The following ZBBX variants were observed in gnomAD, a reference collection of about 807,000 sequenced individuals.
ZBBX encodes zinc finger B-box domain-containing protein 1.
In ZBBX, 101 loss-of-function variants were observed where a neutral mutation model predicts 108.5. The ratio of observed to expected loss-of-function variants is 0.93; its 90% CI spans 0.79 to 1.10. The LOEUF is 1.10. ZBBX is among the 50% of genes least tolerant of loss of function. ZBBX has a pLI of 0.00. For missense variants in ZBBX, 1,009 were observed against 941.4 expected, an observed-to-expected ratio of 1.07 and a Z score of -0.94; for synonymous variants, 356 against 323.4, an observed-to-expected ratio of 1.10 and a Z score of -1.08.
intron 20 of ZBBX, among the ~76,000 whole-genome samples, chr3:167,256,942 A>T (rs1005873884): frequency 6.6e-6 from 1 of 152,206 alleles, no homozygotes; most frequent in Admixed American, 6.5e-5. Flanking sequence ...ATAAGAATGC[A>T]GATATCTCTT....
intron 16 of ZBBX, among the ~76,000 whole-genome samples, chr3:167,310,534 CTTATAA>C (rs1411888558): frequency 2.0e-5 from 3 of 152,100 alleles, no homozygotes; most frequent in Non-Finnish European, 4.4e-5. Flanking sequence ...TCTCAGGAGT[CTTATAA>C]TCATGGCAGA....
At chr3:167,194,229 AATATATAT>A in the ZBBX span, among the ~76,000 whole-genome samples, 1 of 139,820 alleles carries the variant, frequency 7.2e-6, no homozygotes, top group Non-Finnish European at 1.6e-5. Flanking sequence ...ATATGTACTA[AATATATAT>A]ATATATATAT....
chr3:167,279,612 G>A (rs1198264353), intron 20 of ZBBX, among the ~76,000 whole-genome samples: 1 of 151,760 alleles, frequency 6.6e-6, no homozygotes, highest in Non-Finnish European at 1.5e-5. Context: ...ACAAACAAAT[G>A]GAAGAACTTT....
Position 167,300,250 on chromosome 3 carries a change from T to C in ZBBX, c.1726-1792A>G, listed in dbSNP as rs1576932114. Among the ~76,000 whole-genome samples the C allele has an allele frequency of 2.0e-5, 3 of 152,154 alleles. No individual in the cohort carries two copies. The South Asian group carries it at 6.2e-4, about 32-fold the overall frequency. ...TTAAAATCCTATGACAGATTATTCCTGAAAAAACTTCAAATCTCTCAATCC... is the reference window on the plus strand; with the variant it reads ...TTAAAATCCTATGACAGATTATTCCCGAAAAAACTTCAAATCTCTCAATCC... On this transcript the variant is annotated intron_variant, in intron 17 of 21. Transcript: ENST00000675490.
intron 1 of ZBBX, among the ~76,000 whole-genome samples, chr3:167,393,720 C>G: frequency 6.6e-6 from 1 of 151,768 alleles, no homozygotes; most frequent in East Asian, 1.9e-4. Context: ...AATAGCAAAC[C>G]AAGTTAATGG....
At chr3:167,368,855 T>C (rs1745737999) in intron 4 of ZBBX, 5 of 395,072 alleles carry the variant, frequency 1.3e-5, no homozygotes, top group Non-Finnish European at 1.8e-5. Flanking sequence ...TGTTTTTATA[T>C]ATGAACAAAT....
At chr3:167,211,622 T>C in the ZBBX span, among the ~76,000 whole-genome samples, 3 of 152,152 alleles carry the variant, frequency 2.0e-5, no homozygotes, top group Non-Finnish European at 4.4e-5. Context: ...TTTGGGTACC[T>C]GAACCATTCC....
the ZBBX span, among the ~76,000 whole-genome samples, chr3:167,215,937 T>C: frequency 6.6e-6 from 1 of 152,208 alleles, no homozygotes; most frequent in Non-Finnish European, 1.5e-5. Context: ...CATTGATTCA[T>C]GTTAAAAACT....
the ZBBX span, among the ~76,000 whole-genome samples, chr3:167,225,564 T>C: frequency 3.3e-5 from 5 of 151,700 alleles, no homozygotes; most frequent in Admixed American, 6.6e-5. Context: ...GATAGAAGAG[T>C]AATCTGACTT....
At chr3:167,304,771 T>A (rs1733336431) in intron 17 of ZBBX, among the ~76,000 whole-genome samples, 2 of 152,236 alleles carry the variant, frequency 1.3e-5, no homozygotes, top group East Asian at 3.9e-4. Context: ...CCTATGGGTA[T>A]GTTCCTAGTG....
chr3:167,200,850 T>C, the ZBBX span, among the ~76,000 whole-genome samples: 1 of 152,198 alleles, frequency 6.6e-6, no homozygotes, highest in African/African-American at 2.4e-5. Context: ...TCTCAACTAA[T>C]TGACATCCCA....
At chr3:167,295,118 G>A (rs891207861) in intron 18 of ZBBX, among the ~76,000 whole-genome samples, 1 of 152,180 alleles carries the variant, frequency 6.6e-6, no homozygotes. Flanking sequence ...TTCAACCATT[G>A]TGGAAAACAG....
chr3:167,227,680 C>G, the ZBBX span, among the ~76,000 whole-genome samples: 1 of 151,682 alleles, frequency 6.6e-6, no homozygotes. Context: ...ACAGGATTCA[C>G]AAACCCCCTG....
chr3:167,285,645 C>T (rs563412955), intron 19 of ZBBX, among the ~76,000 whole-genome samples: 2 of 152,188 alleles, frequency 1.3e-5, no homozygotes, highest in Non-Finnish European at 1.5e-5. Flanking sequence ...GATAGTAGAA[C>T]GTCTTAAATT....
chr3:167,206,647 TA>T, the ZBBX span, among the ~76,000 whole-genome samples: 1 of 152,052 alleles, frequency 6.6e-6, no homozygotes, highest in Non-Finnish European at 1.5e-5. Flanking sequence ...AAAAAAAATC[TA>T]AAATTTGCAT....
At chr3:167,359,717 G>A (rs1744197683) in intron 8 of ZBBX, among the ~76,000 whole-genome samples, 153 bp downstream of exon 8, 1 of 152,118 alleles carries the variant, frequency 6.6e-6, no homozygotes, top group Non-Finnish European at 1.5e-5. Context: ...CAGCATGCAT[G>A]CTCAACCCAC....
At chr3:167,370,358 G>C (rs545688883) in intron 4 of ZBBX, among the ~76,000 whole-genome samples, 10 of 152,144 alleles carry the variant, frequency 6.6e-5, no homozygotes, top group African/African-American at 2.4e-4. Flanking sequence ...TCTTATTTGA[G>C]CTGTCAGGAG....
At chr3:167,402,542 T>G (rs1030548188) in intron 1 of ZBBX, among the ~76,000 whole-genome samples, 1 of 152,042 alleles carries the variant, frequency 6.6e-6, no homozygotes, top group Non-Finnish European at 1.5e-5. Context: ...ATTTCTACTA[T>G]GCAATAACAA....
At chr3:167,241,031 G>A in intron 21 of ZBBX, 112 bp from the exon 22 acceptor site, 1 of 1,269,922 alleles carries the variant, frequency 7.9e-7, no homozygotes, top group Non-Finnish European at 1.1e-6. Context: ...AAGCAGATGT[G>A]AGGGAGCTGT....
Sources: allele counts gnomAD v4.1 joint callset (sites outside exome capture counted in the v4.1 genomes callset), GRCh38; gene constraint gnomAD v4.1.1; transcripts MANE v1.5; gene names NCBI Gene and HGNC (gene_info 2026-07-23, HGNC 2026-07-21).